The following HEATR4 variants were observed in gnomAD, a reference collection of about 807,000 sequenced individuals.
HEATR4 encodes the protein HEAT repeat-containing protein 4.
HEATR4 carries 95 observed loss-of-function variants against 108.8 expected under a neutral mutation model. The ratio of observed to expected loss-of-function variants is 0.87; its 90% confidence interval spans 0.74 to 1.04. The LOEUF (loss-of-function observed/expected upper bound fraction) is 1.04, where lower values mean the gene tolerates loss of function less well. Ranked by LOEUF, HEATR4 falls within the 50% of genes least tolerant of loss-of-function variation. The pLI, the probability that HEATR4 is intolerant of heterozygous loss-of-function variation, is 0.00. For missense variants in HEATR4, 1,152 were observed against 1,253.8 expected (o/e 0.92, Z 1.23); for synonymous variants, 443 against 459.4 (o/e 0.96, Z 0.46).
chr14:73,571,888 T>C, the HEATR4 span, among the ~76,000 whole-genome samples: 1 of 152,096 alleles, frequency 6.6e-6, no homozygotes, highest in Non-Finnish European at 1.5e-5. Context: ...ACTTTTATAT[T>C]ACATAAAGAG....
intron 16 of HEATR4, among the ~76,000 whole-genome samples, chr14:73,494,204 A>G (rs1885964296): frequency 6.6e-6 from 1 of 152,220 alleles, no homozygotes. Flanking sequence ...TGGTTGGTGG[A>G]AAAGTGCCTG....
intron 1 of HEATR4, among the ~76,000 whole-genome samples, chr14:73,547,093 A>T (rs1242305419): frequency 9.3e-6 from 1 of 108,080 alleles, no homozygotes; most frequent in African/African-American, 2.9e-5. Flanking sequence ...TCTCAAAAAA[A>T]GAAAAAAGAC....
At chr14:73,488,977 G>A (rs1885557858) in intron 17 of HEATR4, among the ~76,000 whole-genome samples, 1 of 151,930 alleles carries the variant, frequency 6.6e-6, no homozygotes, top group Non-Finnish European at 1.5e-5. Flanking sequence ...AGCCAAGATT[G>A]GGCCATTGCA....
chr14:73,527,842 G>C (rs1301595481), intron 2 of HEATR4, among the ~76,000 whole-genome samples: 1 of 151,388 alleles, frequency 6.6e-6, no homozygotes, highest in East Asian at 1.9e-4. Context: ...AGCCAGTCAT[G>C]GTGGCAGGTG....
At chr14:73,598,070 C>T in the HEATR4 span, among the ~76,000 whole-genome samples, 4 of 151,226 alleles carry the variant, frequency 2.6e-5, no homozygotes, top group Non-Finnish European at 5.9e-5. Context: ...TTGGCATTTC[C>T]CTCATCAAAA....
Position 73,552,634 on chromosome 14 carries a change from C to T in HEATR4, c.-152+6117G>A, listed in dbSNP as rs1465389630. On this transcript the variant is annotated intron_variant, in intron 1 of 17. Coordinates refer to ENST00000553558, the MANE Select transcript of HEATR4 (RefSeq NM_001220484.1). The stretch of plus-strand genomic sequence containing the variant: ...CCCCCATTCCCACAATCCCCTGTGC[C>T]GACACAAATCAACCTCCCCATGTCC... Among the ~76,000 whole-genome samples, 8 of 108,050 alleles carry T rather than the reference C, an allele frequency of 7.4e-5. 3 individuals carry two copies. In the East Asian group the frequency reaches 5.1e-3, roughly 69 times the overall value. The allele number at this position is 108,050 out of a possible 152,430, so 70.9% of individuals were successfully genotyped here.
intron 1 of HEATR4, among the ~76,000 whole-genome samples, chr14:73,557,868 T>G: frequency 1.3e-5 from 1 of 77,808 alleles, no homozygotes; most frequent in Non-Finnish European, 3.2e-5. Context: ...GTTTTAAAAC[T>G]TTTTTTTGTA....
intron 7 of HEATR4, among the ~76,000 whole-genome samples, chr14:73,510,916 A>G (rs1378260147): frequency 1.3e-5 from 2 of 152,250 alleles, no homozygotes; most frequent in Non-Finnish European, 2.9e-5. Flanking sequence ...TACAGTATCC[A>G]GGGAGGCCCA....
the HEATR4 span, chr14:73,619,198 T>G: frequency 6.6e-7 from 1 of 1,525,420 alleles, no homozygotes. Context: ...CATTTATGAA[T>G]TCTAAGCTTG....
the HEATR4 span, among the ~76,000 whole-genome samples, chr14:73,613,329 A>G: frequency 6.6e-6 from 1 of 151,972 alleles, no homozygotes; most frequent in Non-Finnish European, 1.5e-5. Context: ...CACTTTAGCT[A>G]TGTGCTGAAT....
intron 1 of HEATR4, among the ~76,000 whole-genome samples, chr14:73,531,828 T>C (rs1192844946): frequency 9.0e-6 from 1 of 110,796 alleles, no homozygotes; most frequent in Admixed American, 1.0e-4. Flanking sequence ...GAGACCAGCC[T>C]GACCAACATG....
At chr14:73,493,324 G>A (rs909458866) in intron 16 of HEATR4, 200 bp from the exon 17 acceptor site, 3 of 549,836 alleles carry the variant, frequency 5.5e-6, no homozygotes, top group Admixed American at 7.0e-5. Flanking sequence ...GCGGGTCGGG[G>A]TCAGTATCCT....
chr14:73,495,443 C>G, intron 15 of HEATR4, 56 bp from the exon 16 acceptor site: 2 of 1,404,620 alleles, frequency 1.4e-6, no homozygotes, highest in Non-Finnish European at 2.0e-6. Flanking sequence ...TACTAGGCAG[C>G]AAATTATCAA....
the HEATR4 span, among the ~76,000 whole-genome samples, chr14:73,566,134 C>T: frequency 1.9e-3 from 287 of 152,210 alleles, 2 homozygotes; most frequent in Non-Finnish European, 3.0e-3. Flanking sequence ...AAACCCTGAG[C>T]TAGACACAGG....
chr14:73,514,925 G>C (rs150948341), intron 5 of HEATR4, among the ~76,000 whole-genome samples: 4 of 152,052 alleles, frequency 2.6e-5, no homozygotes, highest in African/African-American at 9.6e-5. Context: ...AAAATTGGCC[G>C]GGCATGGTGG....
chr14:73,551,278 C>T lies in HEATR4; in HGVS notation c.-152+7473G>A, dbSNP rs1194775922. On this transcript the variant is annotated intron_variant, in intron 1 of 17. Coordinates refer to ENST00000553558, the MANE Select transcript of HEATR4 (RefSeq NM_001220484.1). The stretch of plus-strand genomic sequence containing the variant: ...TACCCTCCATGATCCCTTTAAAAAC[C>T]CTGTTACAGGTAGTTAGACATGAGC... Among the ~76,000 whole-genome samples the T allele has an allele frequency of 1.7e-5, 2 of 115,056 alleles. 1 individual carries two copies. Among genetic ancestry groups the T allele is most frequent in the African/African-American group, 5.6e-5 (2 of 35,404 alleles). The allele number at this position is 115,056 out of a possible 152,430, so 75.5% of individuals were successfully genotyped here.
the HEATR4 span, chr14:73,592,014 G>A: frequency 1.4e-6 from 2 of 1,435,020 alleles, no homozygotes; most frequent in East Asian, 5.9e-5. Flanking sequence ...GAACGAGCCG[G>A]TGCGCATTGC....
In HEATR4 at chr14:73,541,781, A is replaced by G. The variant is rs1436111664; in HGVS notation, c.-151-11537T>C. Reference sequence around the variant, plus strand: ...GGTTTTCACAGAAGTTAGCTCATTCATGACAGCCATTCCCTACCCCAACAC... The same window carrying G: ...GGTTTTCACAGAAGTTAGCTCATTCGTGACAGCCATTCCCTACCCCAACAC... On this transcript the variant is annotated intron_variant, in intron 1 of 17. Transcript: ENST00000553558. 2 of 888,182 alleles carry G rather than the reference A, an allele frequency of 2.3e-6. 1 individual carries two copies. The highest frequency in any genetic ancestry group is 3.1e-5 in the South Asian group (2 of 64,586). The allele number at this position is 888,182 out of a possible 1,614,324, so 55.0% of individuals were successfully genotyped here.
At chr14:73,619,744 C>A in the HEATR4 span, 22 of 1,613,948 alleles carry the variant, frequency 1.4e-5, no homozygotes, top group Non-Finnish European at 1.9e-5. Flanking sequence ...GCCAAAGGCT[C>A]ACTCAAAGGC....
Sources: gnomAD v4.1 joint callset for allele counts (sites outside exome capture counted in the v4.1 genomes callset) on GRCh38, gnomAD v4.1.1 for gene constraint, MANE v1.5 for transcripts, NCBI Gene and HGNC (gene_info 2026-07-23, HGNC 2026-07-21) for gene names.